PPCS: variants seen among roughly 807,000 people sequenced by gnomAD.
PPCS encodes the protein phosphopantothenate--cysteine ligase.
Under a neutral mutation model 24.6 loss-of-function variants are expected in PPCS, and 17 were observed. That is an observed-to-expected ratio of 0.69 (90% CI 0.47 to 1.04). The LOEUF (loss-of-function observed/expected upper bound fraction) is 1.04. Ranked by LOEUF, PPCS falls within the 50% of genes least tolerant of loss-of-function variation. The pLI is 0.00. For synonymous variants in PPCS, 190 were observed against 168.3 expected (o/e 1.13, Z -1.00); for missense variants, 360 against 402.8 (o/e 0.89, Z 0.91).
At chr1:42,459,478 C>A in intron 2 of PPCS, 125 bp from the exon 3 acceptor site, 1 of 859,676 alleles carries the variant, frequency 1.2e-6, no homozygotes, top group Non-Finnish European at 1.8e-6. Context: ...TTAAACTAAA[C>A]ATTTAACTGA....
Position 42,457,037 on chromosome 1 carries a change from C to T in PPCS, c.472C>T (p.Leu158=). ...CACCACTTTGGCGGACTATTTGCATCTGTTGCAGGCTGCGGCCCAGGCACT... is the reference window on the plus strand; with the variant it reads ...CACCACTTTGGCGGACTATTTGCATTTGTTGCAGGCTGCGGCCCAGGCACT... ...EFTTLADYLH[L]LQAAAQALNP... Residue 158 remains leucine, a synonymous_variant, in exon 1 of 3, where the codon CTG becomes TTG. Transcript: ENST00000372561. The T allele has an allele frequency of 6.2e-7, 1 of 1,600,476 alleles. No individual in the cohort carries two copies. Among genetic ancestry groups the T allele is most frequent in the South Asian group, 1.1e-5 (1 of 90,804 alleles).
rs1477562492 is a variant in PPCS, at chr1:42,457,263, T to A, written c.525T>A (p.Phe175Leu). The A allele has an allele frequency of 1.2e-5, 20 of 1,614,016 alleles. No individual in the cohort carries two copies. The highest frequency in any genetic ancestry group is 1.7e-5 in the Non-Finnish European group (20 of 1,180,034). Residue 175 changes from phenylalanine to leucine, a missense_variant, in exon 2 of 3, where the codon TTT becomes TTA. Around this residue, in one of 2 missense-constraint regions of PPCS, gnomAD observed 116 missense variants for 168.1 expected, o/e 0.69. Coordinates refer to ENST00000372561, the MANE Select transcript of PPCS (RefSeq NM_024664.4). ...ALNPLGPSAM[F>L]YLAAAVSDFY... is the part of the protein sequence containing the mutation. ...TCTTTGCAGGCCCTTCTGCGATGTT[T>A]TACCTGGCTGCGGCTGTGTCAGATT...
intron 1 of PPCS, 38 bp from the exon 2 acceptor site, chr1:42,457,209 C>G: frequency 6.2e-7 from 1 of 1,612,890 alleles, no homozygotes; most frequent in Non-Finnish European, 8.5e-7. Flanking sequence ...TATATCGTAC[C>G]TCGCCGATTT....
chr1:42,456,779 G>A lies in PPCS; in HGVS notation c.214G>A (p.Ala72Thr). 6.2e-7 allele frequency: 1 copy of A among 1,612,784 alleles called. No individual in the cohort carries two copies. Among genetic ancestry groups the A allele is most frequent in the Non-Finnish European group, 8.5e-7 (1 of 1,179,964 alleles). ...GCGGCGCGGTGCAACCTCGGCCGAG[G>A]CCTTCCTAGCCGCCGGCTACGGGGT... is the stretch of plus-strand genomic sequence containing the variant. ...SGRRGATSAEAFLAAGYGVLF... is the reference protein window; with the variant it reads ...SGRRGATSAETFLAAGYGVLF... The change falls in exon 1 of 3, where the codon GCC becomes ACC. Residue 72 changes from alanine to threonine, a missense_variant. Around this residue, in one of 2 missense-constraint regions of PPCS, gnomAD observed 244 missense variants for 234.7 expected, o/e 1.04. Coordinates refer to ENST00000372561, the MANE Select transcript of PPCS (RefSeq NM_024664.4).
intron 2 of PPCS, among the ~76,000 whole-genome samples, chr1:42,468,422 C>A (rs1404380852): frequency 1.3e-5 from 2 of 151,778 alleles, no homozygotes; most frequent in East Asian, 3.8e-4. Context: ...CATCACATTC[C>A]TTAAGGACAG....
rs1033934727 is a variant in PPCS, at chr1:42,460,637, T to C, written c.*711T>C. Among the ~76,000 whole-genome samples the C allele has an allele frequency of 6.6e-6, 1 of 152,208 alleles. No homozygotes were observed. Among genetic ancestry groups the C allele is most frequent in the Non-Finnish European group, 1.5e-5 (1 of 68,036 alleles). On this transcript the variant is annotated 3_prime_UTR_variant, in exon 3 of 3. Transcript: ENST00000372561. ...CACCTGGGACCAGGCAGGGGCCACT[T>C]GGTGATCTCTGTCCTGAGGGATGCA...
At chr1:42,470,132 A>G (rs1643720115) in intron 2 of PPCS, among the ~76,000 whole-genome samples, 1 of 152,170 alleles carries the variant, frequency 6.6e-6, no homozygotes, top group Non-Finnish European at 1.5e-5. Flanking sequence ...GATTGAAATG[A>G]TCAACAGTTG....
At chr1:42,456,438 G>A (rs1643182603), upstream of PPCS, 1 of 1,001,270 alleles carries the variant, frequency 1.0e-6, no homozygotes, top group East Asian at 2.8e-5. Flanking sequence ...GCGAGATCGG[G>A]ACCTAGTGTC....
Position 42,457,074 on chromosome 1 carries a change from G to A in PPCS, c.508+1G>A. 6.3e-7 allele frequency: 1 copy of A among 1,592,998 alleles called. No homozygotes were observed. The highest frequency in any genetic ancestry group is 8.5e-7 in the Non-Finnish European group (1 of 1,173,958). ...GCGGCCCAGGCACTCAATCCGCTAG[G>A]TGCGTGCCCTAGGAGTACCCCTTTT... is the stretch of plus-strand genomic sequence containing the variant. On this transcript the variant is annotated splice_donor_variant, in intron 1 of 2. Coordinates refer to ENST00000372561, the MANE Select transcript of PPCS (RefSeq NM_024664.4). LOFTEE classifies it high-confidence loss of function.
chr1:42,462,872 C>G (rs1643447659), downstream of PPCS, among the ~76,000 whole-genome samples: 1 of 152,142 alleles, frequency 6.6e-6, no homozygotes, highest in Admixed American at 6.5e-5. Context: ...TCTTACGTGC[C>G]CCACGTGGCT....
In PPCS at chr1:42,460,998, T is replaced by G. The variant is rs1643396361; in HGVS notation, c.*1072T>G. Among the ~76,000 whole-genome samples, 1 of 152,256 alleles carries G rather than the reference T, an allele frequency of 6.6e-6. No individual in the cohort carries two copies. The highest frequency in any genetic ancestry group is 1.5e-5 in the Non-Finnish European group (1 of 68,052). ...ATACTTCTCTTGCTGTCCTACGTTT[T>G]GGGTTTGGAGTGCACAAGTAGCATA... On this transcript the variant is annotated 3_prime_UTR_variant, in exon 3 of 3. Transcript: ENST00000372561.
intron 2 of PPCS, chr1:42,473,071 A>G (rs1320830008): frequency 1.6e-6 from 2 of 1,214,114 alleles, no homozygotes; most frequent in Non-Finnish European, 2.1e-6. Context: ...TTGCATCCTC[A>G]GTTGTGTGTG....
chr1:42,470,479 T>C (rs1323897226), intron 2 of PPCS, among the ~76,000 whole-genome samples: 2 of 152,116 alleles, frequency 1.3e-5, no homozygotes, highest in Non-Finnish European at 2.9e-5. Context: ...CCCCAAAGAA[T>C]TGAAAACAGG....
At chr1:42,470,998 G>A (rs927875567) in intron 2 of PPCS, among the ~76,000 whole-genome samples, 2 of 152,202 alleles carry the variant, frequency 1.3e-5, no homozygotes, top group African/African-American at 2.4e-5. Context: ...GGGGGAAGAA[G>A]CATAGAAGGT....
chr1:42,471,514 A>G (rs1036590817), intron 2 of PPCS, among the ~76,000 whole-genome samples: 2 of 152,176 alleles, frequency 1.3e-5, no homozygotes, highest in Admixed American at 6.5e-5. Flanking sequence ...GCATTATCAC[A>G]TATTTCTTAG....
chr1:42,461,080 T>G lies in PPCS; in HGVS notation c.*1154T>G, dbSNP rs183637007. On this transcript the variant is annotated 3_prime_UTR_variant, in exon 3 of 3. Coordinates refer to ENST00000372561, the MANE Select transcript of PPCS (RefSeq NM_024664.4). ...ATAGTCCAGGTGCAATTTGAAAAAT[T>G]AGCATTGATGACTAAGGTAGAAGCA... 6.6e-6 allele frequency among the ~76,000 whole-genome samples: 1 copy of G among 152,348 alleles called. No homozygotes were observed. Among genetic ancestry groups the G allele is most frequent in the Admixed American group, 6.5e-5 (1 of 15,308 alleles).
rs1212857895 is a variant in PPCS at position 42,459,960 on chromosome 1, A to G, written c.*34A>G. 1.3e-6 allele frequency: 2 copies of G among 1,548,128 alleles called. No homozygotes were observed. Among genetic ancestry groups the G allele is most frequent in the African/African-American group, 2.8e-5 (2 of 72,178 alleles). On this transcript the variant is annotated 3_prime_UTR_variant, in exon 3 of 3. Transcript: ENST00000372561. ...GCCCTTATAGGATCAAAAATTGTTC[A>G]GGGCTCTTAGAGATGGTGAAAACTA...
At chr1:42,466,955 T>C (rs918281398) in intron 2 of PPCS, among the ~76,000 whole-genome samples, 1 of 152,230 alleles carries the variant, frequency 6.6e-6, no homozygotes, top group African/African-American at 2.4e-5. Flanking sequence ...TCTAGTTTAC[T>C]AGAATTTAAA....
At chr1:42,470,949 A>G (rs1378142102) in intron 2 of PPCS, among the ~76,000 whole-genome samples, 4 of 152,208 alleles carry the variant, frequency 2.6e-5, no homozygotes, top group Admixed American at 2.0e-4. Context: ...TTAAAATGGT[A>G]AATTTTAAGT....
Sources: allele counts gnomAD v4.1 joint callset (sites outside exome capture counted in the v4.1 genomes callset), GRCh38; gene constraint gnomAD v4.1.1; regional missense constraint gnomAD v4.1.1; transcripts MANE v1.5; gene names NCBI Gene and HGNC (gene_info 2026-07-23, HGNC 2026-07-21).